RABL6: variants seen among roughly 807,000 people sequenced by gnomAD.
RABL6 encodes the protein rab-like protein 6.
A neutral mutation model predicts 72.9 loss-of-function variants in RABL6; 28 were observed. The observed-to-expected ratio is 0.38, with a 90% CI of 0.28 to 0.53. RABL6 has a LOEUF of 0.53. Ranked by LOEUF, RABL6 falls within the 20% of genes least tolerant of loss-of-function variation. The pLI, the probability that RABL6 is intolerant of heterozygous loss-of-function variation, is 0.80. For synonymous variants in RABL6, 477 were observed against 421.2 expected, an observed-to-expected ratio of 1.13 and a Z score of -1.62; for missense variants, 1,029 against 1,008.4, an observed-to-expected ratio of 1.02 and a Z score of -0.28.
chr9:136,837,656 C>T lies in RABL6; in HGVS notation c.1120C>T (p.Pro374Ser), dbSNP rs1848608763. 6.3e-7 allele frequency: 1 copy of T among 1,586,560 alleles called. No homozygotes were observed. Among genetic ancestry groups the T allele is most frequent in the Non-Finnish European group, 8.6e-7 (1 of 1,168,060 alleles). Residue 374 changes from proline to serine, a missense_variant, in exon 9 of 15, where the codon CCT (proline) becomes TCT (serine). Around this residue, in one of 2 missense-constraint regions of RABL6, gnomAD observed 434 missense variants for 536.1 expected, o/e 0.81. Coordinates refer to ENST00000311502, the MANE Select transcript of RABL6 (RefSeq NM_024718.5). ...ACCTGCCACCGAGGCAGCCCCTCCA[C>T]CTCCAGGTAGGCCCTGGAGCTGCCC... ...TSPATEAAPP[P>S]PEPVPAAEGP...
chr9:136,820,357 A>G (rs1371486864), intron 1 of RABL6, among the ~76,000 whole-genome samples: 1 of 151,982 alleles, frequency 6.6e-6, no homozygotes. Context: ...TGACAGTGAG[A>G]CCCTGTTTGT....
At chr9:136,808,467 C>T (rs1163102375) in intron 1 of RABL6, 141 bp downstream of exon 1, 3 of 922,714 alleles carry the variant, frequency 3.3e-6, no homozygotes, top group Admixed American at 9.4e-5. Context: ...GCTCCGGGAG[C>T]GGGGGCGCGG....
At position 136,840,351 on chromosome 9, in the gene RABL6, C is replaced by G. The variant is rs764410516; in HGVS notation, c.2019C>G (p.Ser673Arg). 6.4e-7 allele frequency: 1 copy of G among 1,564,226 alleles called. No homozygotes were observed. Among genetic ancestry groups the G allele is most frequent in the South Asian group, 1.2e-5 (1 of 86,046 alleles). The change falls in exon 15 of 15, where the codon AGC becomes AGG. Residue 673 changes from serine to arginine, a missense_variant. This residue lies in a region of RABL6 where 595 missense variants were observed against 472.4 expected (regional missense o/e 1.26). Coordinates refer to ENST00000311502, the MANE Select transcript of RABL6 (RefSeq NM_024718.5). ...EEEEKAAKKK[S>R]KHKKSKDKEE... is the part of the protein sequence containing the mutation. ...AAGAAAAAGCTGCCAAGAAGAAGAGCAAACACAAGAAGAGCAAGGACAAGG... is the reference window on the plus strand; with the variant it reads ...AAGAAAAAGCTGCCAAGAAGAAGAGGAAACACAAGAAGAGCAAGGACAAGG...
In RABL6 at chr9:136,813,449, A is replaced by C. The variant is rs183490272; in HGVS notation, c.130+5123A>C. On this transcript the variant is annotated intron_variant, in intron 1 of 14. Transcript: ENST00000311502. Reference sequence around the variant, plus strand: ...AGTGGTCTCTCTAGTCTTGATTTAGACCTTTCTCTCCATGATAGTGCAGGG... The same window carrying C: ...AGTGGTCTCTCTAGTCTTGATTTAGCCCTTTCTCTCCATGATAGTGCAGGG... The C allele has an allele frequency of 1.2e-5, 7 of 581,824 alleles. No homozygotes were observed. In the Admixed American group the frequency reaches 2.0e-4, roughly 16 times the overall value. 36.0% of individuals were successfully genotyped at this position (581,824 alleles called of 1,614,324 possible).
At chr9:136,836,006 C>T (rs1848578352) in intron 8 of RABL6, 161 bp downstream of exon 8, 3 of 651,580 alleles carry the variant, frequency 4.6e-6, no homozygotes, top group African/African-American at 1.8e-5. Flanking sequence ...CAGGTTTGCA[C>T]TGCCCCCAGC....
rs117588925 is a variant in RABL6 at position 136,810,909 on chromosome 9, G to A, written c.130+2583G>A. 7.1e-3 allele frequency among the ~76,000 whole-genome samples: 1,085 copies of A among 152,288 alleles called. 10 individuals are homozygous for A. Among genetic ancestry groups the A allele is most frequent in the Non-Finnish European group, 0.012 (838 of 68,038 alleles). On this transcript the variant is annotated intron_variant, in intron 1 of 14. Coordinates refer to ENST00000311502, the MANE Select transcript of RABL6 (RefSeq NM_024718.5). ...CCAGCAATGTGATCAAGACAGAGTC[G>A]AGGGTTTTGGGGGTGAGAGTTTCTG... is the stretch of plus-strand genomic sequence containing the variant.
At chr9:136,810,946 G>A (rs1036528840) in intron 1 of RABL6, among the ~76,000 whole-genome samples, 10 of 152,192 alleles carry the variant, frequency 6.6e-5, no homozygotes, top group African/African-American at 2.2e-4. Flanking sequence ...GAACTGCTGC[G>A]GGTTTCCAGG....
chr9:136,825,105 G>A (rs538989799), intron 2 of RABL6, among the ~76,000 whole-genome samples: 13 of 152,352 alleles, frequency 8.5e-5, no homozygotes, highest in South Asian at 2.1e-4. Context: ...AGCTCAGGAG[G>A]AGTGGTTGGC....
At position 136,841,002 on chromosome 9, in the gene RABL6, C is replaced by T; in HGVS notation, c.*480C>T. The stretch of plus-strand genomic sequence containing the variant: ...GTGCAGACTCACCCTAAAGGGCGGC[C>T]CAGGCCCCACGCTAGAAGGCTGGCG... On this transcript the variant is annotated 3_prime_UTR_variant, in exon 15 of 15. Coordinates refer to ENST00000311502, the MANE Select transcript of RABL6 (RefSeq NM_024718.5). 1 of 1,440,984 alleles carries T rather than the reference C, an allele frequency of 6.9e-7. No homozygotes were observed. Among genetic ancestry groups the T allele is most frequent in the Non-Finnish European group, 9.1e-7 (1 of 1,094,112 alleles). 89.3% of individuals were successfully genotyped at this position (1,440,984 alleles called of 1,614,324 possible). A position where few individuals can be genotyped will look rare whatever the true frequency, so the allele number is the denominator to read the frequency against.
intron 5 of RABL6, among the ~76,000 whole-genome samples, chr9:136,830,288 G>A (rs957107944): frequency 3.3e-5 from 5 of 152,370 alleles, no homozygotes; most frequent in Admixed American, 2.0e-4. Context: ...CACTCAGCAC[G>A]CATCAGCAGC....
chr9:136,839,188 A>C, intron 11 of RABL6, 34 bp from the exon 12 acceptor site: 1 of 1,597,656 alleles, frequency 6.3e-7, no homozygotes, highest in Non-Finnish European at 8.5e-7. Context: ...ACGCCTCCAG[A>C]GGACCCTGAC....
At chr9:136,838,887 C>T (rs570503132) in intron 10 of RABL6, 22 bp from the exon 11 acceptor site, 145 of 1,531,610 alleles carry the variant, frequency 9.5e-5, no homozygotes, top group Admixed American at 1.4e-4. Context: ...GGCCCTTGAC[C>T]GCTTTGCCCC....
At chr9:136,824,824 A>G (rs1306509442) in intron 2 of RABL6, among the ~76,000 whole-genome samples, 1 of 152,144 alleles carries the variant, frequency 6.6e-6, no homozygotes, top group Non-Finnish European at 1.5e-5. Flanking sequence ...CTGACAGGAC[A>G]CAGAGCCCAC....
rs1260810854 is a variant in RABL6, at chr9:136,839,731, C to T, written c.1796C>T (p.Thr599Ile). The stretch of plus-strand genomic sequence containing the variant: ...GTGCGAGATGACCCCTCCGATGTGA[C>T]TGACGAGGATGAGGGCCCTGCCGAG... ...FPVRDDPSDV[T>I]DEDEGPAEPP... Residue 599 changes from threonine (T) to isoleucine (I), a missense_variant, in exon 13 of 15, where the codon ACT (threonine) becomes ATT (isoleucine). Physicochemically the swap from Thr to Ile is moderately conservative, Grantham distance 89 (BLOSUM62 -1). This residue lies in a region of RABL6 where 595 missense variants were observed against 472.4 expected (regional missense o/e 1.26). Transcript: ENST00000311502. 2 of 1,607,434 alleles carry T rather than the reference C, an allele frequency of 1.2e-6. No individual in the cohort carries two copies. The highest frequency in any genetic ancestry group is 1.7e-6 in the Non-Finnish European group (2 of 1,176,424).
chr9:136,825,743 T>G (rs1848341527), intron 2 of RABL6, 36 bp from the exon 3 acceptor site: 1 of 1,607,676 alleles, frequency 6.2e-7, no homozygotes, highest in Admixed American at 1.7e-5. Context: ...GGGAACTTCA[T>G]GTTGGGCACT....
intron 1 of RABL6, among the ~76,000 whole-genome samples, chr9:136,822,755 C>T (rs1302761315): frequency 2.0e-5 from 3 of 152,342 alleles, no homozygotes; most frequent in African/African-American, 7.2e-5. Context: ...ACGCGTTGTG[C>T]GTGAGCTGGG....
rs1230704643 is a variant in RABL6, at chr9:136,832,482, C to T, written c.705+112C>T. ...AACCCCTGAGAAAGCTGTGGACCTG[C>T]TCGGAGATTGGCTGCTGGCAAGGGC... is the stretch of plus-strand genomic sequence containing the variant. On this transcript the variant is annotated intron_variant, in intron 7 of 14. Coordinates refer to ENST00000311502, the MANE Select transcript of RABL6 (RefSeq NM_024718.5). The T allele has an allele frequency of 4.4e-6, 4 of 914,020 alleles. No individual in the cohort carries two copies. In the Admixed American group the frequency reaches 7.6e-5, roughly 17 times the overall value. The allele number at this position is 914,020 out of a possible 1,614,324, so 56.6% of individuals were successfully genotyped here.
intron 1 of RABL6, 194 bp downstream of exon 1, chr9:136,808,520 G>A (rs1418983798): frequency 9.2e-6 from 4 of 433,064 alleles, no homozygotes; most frequent in East Asian, 9.9e-5. Context: ...CCGGGTCCTC[G>A]CGGCCCCCGA....
chr9:136,810,346 G>A lies in RABL6; in HGVS notation c.130+2020G>A, dbSNP rs567541287. On this transcript the variant is annotated intron_variant, in intron 1 of 14. Coordinates refer to ENST00000311502, the MANE Select transcript of RABL6 (RefSeq NM_024718.5). ...AATGGGGTCCTTCCAGAGGAGAAAA[G>A]CCAGTCTCCAGTACTTGGAGAACAG... Among the ~76,000 whole-genome samples, 6 of 152,286 alleles carry A rather than the reference G, an allele frequency of 3.9e-5. No homozygotes were observed. In the South Asian group the frequency reaches 1.2e-3, roughly 32 times the overall value.
Sources: gnomAD v4.1 joint callset for allele counts (sites outside exome capture counted in the v4.1 genomes callset) on GRCh38, gnomAD v4.1.1 for gene constraint, gnomAD v4.1.1 regional missense constraint, MANE v1.5 for transcripts, NCBI Gene and HGNC (gene_info 2026-07-23, HGNC 2026-07-21) for gene names.